TMEM116: variants seen among roughly 807,000 people sequenced by gnomAD.
TMEM116 encodes transmembrane protein 116.
In TMEM116, 38 loss-of-function variants were observed where a neutral mutation model predicts 44.3. The ratio of observed to expected loss-of-function variants is 0.86; its 90% confidence interval spans 0.66 to 1.12. The LOEUF is 1.12. Among genes scored for constraint, TMEM116 ranks in the 50% most tolerant of loss-of-function variants. TMEM116 has a pLI of 0.00. For missense variants in TMEM116, 354 were observed against 401.7 expected (o/e 0.88, Z 1.01); for synonymous variants, 132 against 144.8 (o/e 0.91, Z 0.64).
intron 4 of TMEM116, among the ~76,000 whole-genome samples, chr12:111,946,997 A>G (rs2073336670): frequency 6.6e-6 from 1 of 151,736 alleles, no homozygotes; most frequent in Admixed American, 6.6e-5. Flanking sequence ...CCATAAAAAG[A>G]AAAAAAAATC....
At chr12:111,993,630 AG>A (rs1290872463) in intron 3 of TMEM116, 2 of 562,054 alleles carry the variant, frequency 3.6e-6, no homozygotes, top group Admixed American at 4.4e-5. Flanking sequence ...CATTCTACAA[AG>A]GGGTTGCTCC....
chr12:111,957,386 G>A (rs552009735), intron 4 of TMEM116, among the ~76,000 whole-genome samples: 1 of 149,386 alleles, frequency 6.7e-6, no homozygotes, highest in African/African-American at 2.5e-5. Context: ...GAGCCCCTCC[G>A]CCCGGCAGCC....
chr12:111,977,324 G>GAAATATTTAA (rs1247920816), intron 4 of TMEM116, among the ~76,000 whole-genome samples: 1 of 152,120 alleles, frequency 6.6e-6, no homozygotes, highest in Admixed American at 6.6e-5. Context: ...TATTTAAACT[G>GAAATATTTAA]TTGAAAGAAA....
chr12:111,983,842 C>A (rs1055090282), intron 4 of TMEM116, among the ~76,000 whole-genome samples: 1 of 152,012 alleles, frequency 6.6e-6, no homozygotes, highest in Admixed American at 6.6e-5. Flanking sequence ...GCCAGCAAAA[C>A]CCTGATACCA....
chr12:111,972,076 GA>G (rs762088997), intron 4 of TMEM116, among the ~76,000 whole-genome samples: 1,942 of 57,506 alleles, frequency 0.034, 19 homozygotes, highest in African/African-American at 0.081. Flanking sequence ...CCCTATCTGT[GA>G]AAAAAAAAAA....
rs539553415 is a variant in TMEM116, at chr12:111,997,198, C to T, written c.79-5309G>A. On this transcript the variant is annotated intron_variant, in intron 3 of 10. Transcript: ENST00000552374. ...ATAATCATTCTTTAAATAGTACATACATGTTTCATGCATTCTAGTTCATGT... is the reference window on the plus strand; with the variant it reads ...ATAATCATTCTTTAAATAGTACATATATGTTTCATGCATTCTAGTTCATGT... 7.9e-5 allele frequency among the ~76,000 whole-genome samples: 12 copies of T among 152,272 alleles called. No individual in the cohort carries two copies. In the East Asian group the frequency reaches 2.1e-3, roughly 27 times the overall value.
intron 1 of TMEM116, among the ~76,000 whole-genome samples, chr12:112,010,061 CCTAT>C (rs1283658712): frequency 6.8e-6 from 1 of 147,908 alleles, no homozygotes; most frequent in African/African-American, 2.7e-5. Context: ...AAGACTCCCT[CCTAT>C]CTGAGCTTAA....
At chr12:111,955,057 G>A (rs549224239) in intron 4 of TMEM116, among the ~76,000 whole-genome samples, 1 of 152,308 alleles carries the variant, frequency 6.6e-6, no homozygotes, top group South Asian at 2.1e-4. Context: ...TAGATAACAA[G>A]GAGATGTAAA....
chr12:111,956,004 C>T (rs142769027), intron 4 of TMEM116, among the ~76,000 whole-genome samples: 28 of 152,286 alleles, frequency 1.8e-4, no homozygotes, highest in Non-Finnish European at 2.5e-4. Flanking sequence ...TGTCGTTAAA[C>T]GATGCATGAC....
chr12:111,959,804 TA>T (rs2074440286), intron 4 of TMEM116, among the ~76,000 whole-genome samples: 1 of 152,136 alleles, frequency 6.6e-6, no homozygotes, highest in Non-Finnish European at 1.5e-5. Flanking sequence ...CAAGAAGAGC[TA>T]ACTATCCTAA....
At chr12:111,952,101 C>T (rs575888226) in intron 4 of TMEM116, among the ~76,000 whole-genome samples, 86 of 152,042 alleles carry the variant, frequency 5.7e-4, no homozygotes, top group Admixed American at 1.6e-3. Flanking sequence ...TGGTGGCATG[C>T]GCCTGTAATC....
chr12:112,005,733 T>C (rs149773476), intron 1 of TMEM116: 31 of 981,144 alleles, frequency 3.2e-5, no homozygotes, highest in Non-Finnish European at 3.3e-5. Flanking sequence ...AAAAGTTAAA[T>C]GTTGAGAGAG....
chr12:112,000,562 T>G (rs1409192190), intron 3 of TMEM116, among the ~76,000 whole-genome samples: 3 of 151,788 alleles, frequency 2.0e-5, no homozygotes, highest in African/African-American at 7.3e-5. Flanking sequence ...GGTCTCACTT[T>G]GTCACACAGG....
chr12:111,986,143 C>A (rs1028445103), intron 4 of TMEM116, among the ~76,000 whole-genome samples: 4 of 151,480 alleles, frequency 2.6e-5, no homozygotes, highest in Non-Finnish European at 4.4e-5. Context: ...ATCACTTGAG[C>A]CCAGAGGTTT....
At chr12:111,998,385 G>A (rs1025281239) in intron 3 of TMEM116, among the ~76,000 whole-genome samples, 26 of 152,140 alleles carry the variant, frequency 1.7e-4, no homozygotes, top group Admixed American at 1.3e-3. Flanking sequence ...GTTCCCCTTG[G>A]CTTCTCGACT....
intron 4 of TMEM116, among the ~76,000 whole-genome samples, chr12:111,944,073 C>T (rs1593310506): frequency 6.6e-6 from 1 of 151,900 alleles, no homozygotes; most frequent in East Asian, 1.9e-4. Flanking sequence ...TTCAAAAGAA[C>T]TAAACATGCT....
At chr12:112,002,631 G>C (rs2077325242) in intron 3 of TMEM116, among the ~76,000 whole-genome samples, 1 of 151,724 alleles carries the variant, frequency 6.6e-6, no homozygotes, top group Non-Finnish European at 1.5e-5. Context: ...TGTGTAACTT[G>C]AACAAATTAT....
intron 1 of TMEM116, chr12:112,010,738 A>C (rs1487979337): frequency 6.6e-6 from 1 of 152,240 alleles, no homozygotes; most frequent in African/African-American, 2.4e-5. Flanking sequence ...CTCCTCTCTT[A>C]GGCTTGTTGA....
intron 5 of TMEM116, among the ~76,000 whole-genome samples, chr12:111,939,820 C>T (rs1402906910): frequency 6.8e-6 from 1 of 146,446 alleles, no homozygotes; most frequent in African/African-American, 2.5e-5. Flanking sequence ...AGAGTGAAAC[C>T]TTGTATCAAA....
Sources: allele counts gnomAD v4.1 joint callset (sites outside exome capture counted in the v4.1 genomes callset), GRCh38; gene constraint gnomAD v4.1.1; transcripts MANE v1.5; gene names NCBI Gene and HGNC (gene_info 2026-07-23, HGNC 2026-07-21).